The following RAPSN variants were observed in gnomAD, a reference collection of about 807,000 sequenced individuals.
RAPSN encodes 43 kDa receptor-associated protein of the synapse.
Under a neutral mutation model 45.7 loss-of-function variants are expected in RAPSN, and 33 were observed. The observed-to-expected ratio is 0.72, with a 90% CI of 0.55 to 0.97. RAPSN has a LOEUF of 0.97. Among genes scored for constraint, RAPSN ranks in the 50% least tolerant of loss-of-function variants. RAPSN has a pLI of 0.00. For missense variants in RAPSN, 519 were observed against 559.4 expected, an observed-to-expected ratio of 0.93 and a Z score of 0.73; for synonymous variants, 244 against 233.6, an observed-to-expected ratio of 1.04 and a Z score of -0.40.
chr11:47,443,884 T>A (rs570653850), intron 2 of RAPSN, among the ~76,000 whole-genome samples: 1 of 124,258 alleles, frequency 8.0e-6, no homozygotes, highest in Non-Finnish European at 1.6e-5. Flanking sequence ...GAGCTGAGAT[T>A]GCACCACTGC....
chr11:47,444,857 C>CAAAAA (rs10611957), intron 2 of RAPSN, among the ~76,000 whole-genome samples: 1 of 80,726 alleles, frequency 1.2e-5, no homozygotes, highest in African/African-American at 5.4e-5. Flanking sequence ...GACACTGTCT[C>CAAAAA]AAAAAAAAAA....
Position 47,438,189 on chromosome 11 carries a change from C to A in RAPSN, c.1167-142G>T, listed in dbSNP as rs577700422. On this transcript the variant is annotated intron_variant, in intron 7 of 7. Coordinates refer to ENST00000298854, the MANE Select transcript of RAPSN (RefSeq NM_005055.5). Reference sequence around the variant, plus strand: ...CAGCAGTGGAAGGGAAGGGAACGGTCCCCCCAGGCTCCCACTGCACCCGGC... The same window carrying A: ...CAGCAGTGGAAGGGAAGGGAACGGTACCCCCAGGCTCCCACTGCACCCGGC... 226 of 1,015,550 alleles carry A rather than the reference C, an allele frequency of 2.2e-4. 1 individual carries two copies. In the African/African-American group the frequency reaches 3.3e-3, roughly 15 times the overall value. The allele number at this position is 1,015,550 out of a possible 1,614,324, so 62.9% of individuals were successfully genotyped here.
Position 47,448,818 on chromosome 11 carries a change from C to T in RAPSN, c.147G>A (p.Leu49=), listed in dbSNP as rs781309401. ...GGCCCATCTCCGAGTGGGCTGTGAC[C>T]AGGCAGCCCAGCACGCGGAAGCGCC... ...LMGRFRVLGC[L]VTAHSEMGRY... Residue 49 remains leucine, a synonymous_variant, in exon 1 of 8, where the codon CTG becomes CTA. Coordinates refer to ENST00000298854, the MANE Select transcript of RAPSN (RefSeq NM_005055.5). The T allele has an allele frequency of 4.3e-6, 7 of 1,613,558 alleles. No homozygotes were observed. Among genetic ancestry groups the T allele is most frequent in the Non-Finnish European group, 5.9e-6 (7 of 1,180,032 alleles).
At chr11:47,443,300 C>A (rs1350557874) in intron 2 of RAPSN, among the ~76,000 whole-genome samples, 1 of 152,174 alleles carries the variant, frequency 6.6e-6, no homozygotes, top group African/African-American at 2.4e-5. Flanking sequence ...CAGACAGACT[C>A]AGCGAGGCGA....
At chr11:47,445,941 T>C (rs956332160) in intron 2 of RAPSN, among the ~76,000 whole-genome samples, 1 of 152,016 alleles carries the variant, frequency 6.6e-6, no homozygotes, top group Admixed American at 6.6e-5. Flanking sequence ...TTTTTTTTTT[T>C]TCTCTCACAC....
chr11:47,441,756 G>C (rs1417696848), intron 4 of RAPSN, 23 bp from the exon 5 acceptor site: 1 of 1,605,142 alleles, frequency 6.2e-7, no homozygotes, highest in East Asian at 2.2e-5. Flanking sequence ...GTGGGGGATG[G>C]AATCAGGCTG....
intron 1 of RAPSN, among the ~76,000 whole-genome samples, 182 bp from the exon 2 acceptor site, chr11:47,448,332 C>T (rs1177017577): frequency 2.0e-5 from 3 of 152,080 alleles, no homozygotes; most frequent in African/African-American, 7.2e-5. Context: ...CAGCTACCTT[C>T]CCTACACCCC....
chr11:47,447,672 A>T lies in RAPSN; in HGVS notation c.531+140T>A, dbSNP rs1353061182. 3 of 1,025,398 alleles carry T rather than the reference A, an allele frequency of 2.9e-6. No individual in the cohort carries two copies. In the African/African-American group the frequency reaches 4.8e-5, roughly 17 times the overall value. The allele number at this position is 1,025,398 out of a possible 1,614,324, so 63.5% of individuals were successfully genotyped here. ...GGCCAAGTTGTTACCTTCCTGGATAAGCCTTTTTGCTCTCTGATTCTCACT... is the reference window on the plus strand; with the variant it reads ...GGCCAAGTTGTTACCTTCCTGGATATGCCTTTTTGCTCTCTGATTCTCACT... On this transcript the variant is annotated intron_variant, in intron 2 of 7. Transcript: ENST00000298854.
intron 2 of RAPSN, among the ~76,000 whole-genome samples, chr11:47,447,573 G>A (rs574863820): frequency 1.3e-5 from 2 of 152,282 alleles, no homozygotes; most frequent in South Asian, 2.1e-4. Context: ...CCTCACAGAG[G>A]AGCCTCCCAT....
At chr11:47,439,900 A>G (rs925248685) in intron 6 of RAPSN, among the ~76,000 whole-genome samples, 2 of 151,878 alleles carry the variant, frequency 1.3e-5, no homozygotes, top group Non-Finnish European at 2.9e-5. Flanking sequence ...TTTAGTAGAG[A>G]CAGAGTTTCA....
intron 2 of RAPSN, among the ~76,000 whole-genome samples, chr11:47,446,476 C>T (rs1198339089): frequency 6.6e-6 from 1 of 152,172 alleles, no homozygotes; most frequent in African/African-American, 2.4e-5. Flanking sequence ...GACTCGTTTC[C>T]TCCCATCCCA....
intron 2 of RAPSN, among the ~76,000 whole-genome samples, chr11:47,447,416 A>G (rs191981850): frequency 2.0e-5 from 3 of 152,274 alleles, no homozygotes; most frequent in Admixed American, 2.0e-4. Flanking sequence ...GCTGGTCAAT[A>G]AATATTTGAT....
chr11:47,438,658 AT>A, intron 7 of RAPSN, 73 bp downstream of exon 7: 1 of 1,521,738 alleles, frequency 6.6e-7, no homozygotes, highest in Non-Finnish European at 8.9e-7. Flanking sequence ...TATTGCTGTG[AT>A]TAAGCCAGCT....
intron 2 of RAPSN, among the ~76,000 whole-genome samples, chr11:47,446,628 G>T (rs1029228688): frequency 6.6e-6 from 1 of 152,132 alleles, no homozygotes; most frequent in Non-Finnish European, 1.5e-5. Flanking sequence ...AGGGTTGGCC[G>T]GGTGCGGTGG....
At chr11:47,447,767 A>C in intron 2 of RAPSN, 45 bp downstream of exon 2, 1 of 1,566,322 alleles carries the variant, frequency 6.4e-7, no homozygotes, top group Admixed American at 1.8e-5. Flanking sequence ...ATGAGAGGGG[A>C]GCCCCAAAAC....
intron 3 of RAPSN, 52 bp from the exon 4 acceptor site, chr11:47,441,973 G>T (rs1316957246): frequency 2.0e-6 from 3 of 1,518,580 alleles, no homozygotes; most frequent in African/African-American, 2.7e-5. Context: ...CACCACTGGA[G>T]TGCCCTCCCC....
intron 2 of RAPSN, among the ~76,000 whole-genome samples, chr11:47,445,089 G>A (rs949084768): frequency 6.6e-6 from 1 of 150,942 alleles, no homozygotes; most frequent in African/African-American, 2.4e-5. Context: ...AAATTAGCGG[G>A]GCGTGGTGGC....
rs121909254 is a variant in RAPSN, at chr11:47,448,832, C to T, written c.133G>A (p.Val45Met). The change falls in exon 1 of 8, where the codon GTG becomes ATG. Residue 45 changes from valine to methionine, a missense_variant. Transcript: ENST00000298854. ...TGGGCTGTGACCAGGCAGCCCAGCA[C>T]GCGGAAGCGCCCCATGAGGTCCGAG... The part of the protein sequence containing the change: ...KSSDLMGRFR[V>M]LGCLVTAHSE... 235 of 1,613,812 alleles carry T rather than the reference C, an allele frequency of 1.5e-4. No individual in the cohort carries two copies. Among genetic ancestry groups the T allele is most frequent in the Non-Finnish European group, 1.9e-4 (222 of 1,180,048 alleles).
At chr11:47,441,802 C>T in intron 4 of RAPSN, 21 bp downstream of exon 4, 1 of 1,556,120 alleles carries the variant, frequency 6.4e-7, no homozygotes, top group Non-Finnish European at 8.7e-7. Flanking sequence ...GCCCCCAGCC[C>T]CTGCATCCCG....
Sources: gnomAD v4.1 joint callset for allele counts (sites outside exome capture counted in the v4.1 genomes callset) on GRCh38, gnomAD v4.1.1 for gene constraint, MANE v1.5 for transcripts, NCBI Gene and HGNC (gene_info 2026-07-23, HGNC 2026-07-21) for gene names.